PUM2: variants seen among roughly 807,000 people sequenced by gnomAD.
The protein encoded by PUM2 is pumilio RNA binding family member 2, also known as pumilio homolog 2.
A neutral mutation model predicts 124.5 loss-of-function variants in PUM2; 57 were observed. The ratio of observed to expected loss-of-function variants is 0.46; its 90% CI spans 0.37 to 0.57. The LOEUF (loss-of-function observed/expected upper bound fraction) is 0.57. Among genes scored for constraint, PUM2 ranks in the 20% least tolerant of loss-of-function variants. The pLI, the probability that PUM2 is intolerant of heterozygous loss-of-function variation, is 0.00. For missense variants in PUM2, 1,065 were observed against 1,290.6 expected, an observed-to-expected ratio of 0.83 and a Z score of 2.68; for synonymous variants, 460 against 446.1, an observed-to-expected ratio of 1.03 and a Z score of -0.39.
intron 12 of PUM2, among the ~76,000 whole-genome samples, chr2:20,280,791 A>G (rs2148865703): frequency 6.6e-6 from 1 of 152,322 alleles, no homozygotes; most frequent in East Asian, 1.9e-4. Context: ...ACAGACTGCT[A>G]ATCATTCATC....
chr2:20,298,186 T>G (rs1676088719), intron 7 of PUM2, among the ~76,000 whole-genome samples: 1 of 152,218 alleles, frequency 6.6e-6, no homozygotes, highest in African/African-American at 2.4e-5. Context: ...TATAGCATAT[T>G]AAGTGCTCTG....
At chr2:20,259,952 TTA>T (rs1286479746) in intron 15 of PUM2, among the ~76,000 whole-genome samples, 1 of 152,256 alleles carries the variant, frequency 6.6e-6, no homozygotes, top group Non-Finnish European at 1.5e-5. Flanking sequence ...TTTTCCGATT[TTA>T]TGTTTTCCGA....
intron 1 of PUM2, among the ~76,000 whole-genome samples, chr2:20,339,941 T>C (rs1426216738): frequency 6.6e-6 from 1 of 152,078 alleles, no homozygotes; most frequent in Non-Finnish European, 1.5e-5. Context: ...TTTATAAATG[T>C]CATTTCATCT....
In PUM2 at chr2:20,350,779, GAA is replaced by G. The variant is rs943570401; in HGVS notation, c.-203_-202del. The G allele has an allele frequency of 1.8e-4, 166 of 916,702 alleles. No individual in the cohort carries two copies. The highest frequency in any genetic ancestry group is 2.0e-4 in the Non-Finnish European group (161 of 802,452). The allele number at this position is 916,702 out of a possible 1,614,324, so 56.8% of individuals were successfully genotyped here. A position where few individuals can be genotyped will look rare whatever the true frequency, so the allele number is the denominator to read the frequency against. On this transcript the variant is annotated 5_prime_UTR_variant, in exon 1 of 21. Coordinates refer to ENST00000361078, the MANE Select transcript of PUM2 (RefSeq NM_015317.5). ...CCTCCCCCTCCTCCTCCGAACCACC[GAA>G]GTACCGAGGGTGAGACACAGAGACT...
intron 9 of PUM2, among the ~76,000 whole-genome samples, chr2:20,292,111 G>T (rs562462860): frequency 6.7e-6 from 1 of 150,354 alleles, no homozygotes; most frequent in Non-Finnish European, 1.5e-5. Flanking sequence ...TTCATAAAAG[G>T]ACTCCAGGTG....
At chr2:20,326,417 T>C (rs1429464779) in intron 2 of PUM2, 1 of 1,304,144 alleles carries the variant, frequency 7.7e-7, no homozygotes, top group East Asian at 5.6e-5. Flanking sequence ...GGAGTGAGTC[T>C]CATGAAGGTC....
chr2:20,350,835 GC>G lies in PUM2; in HGVS notation c.-258del, dbSNP rs1266584886. On this transcript the variant is annotated 5_prime_UTR_variant, in exon 1 of 21. Coordinates refer to ENST00000361078, the MANE Select transcript of PUM2 (RefSeq NM_015317.5). ...AACAACATGGCTGCCACCGCCGCCTGCCCTCCCCTCCCCCCCGCCCACCGGG... is the reference window on the plus strand; with the variant it reads ...AACAACATGGCTGCCACCGCCGCCTGCCTCCCCTCCCCCCCGCCCACCGGG... 2 of 969,890 alleles carry G rather than the reference GC, an allele frequency of 2.1e-6. No homozygotes were observed. Among genetic ancestry groups the G allele is most frequent in the Non-Finnish European group, 2.4e-6 (2 of 817,132 alleles). The allele number at this position is 969,890 out of a possible 1,614,324, so 60.1% of individuals were successfully genotyped here.
intron 13 of PUM2, among the ~76,000 whole-genome samples, chr2:20,276,040 TA>T (rs1670170278): frequency 6.6e-6 from 1 of 151,998 alleles, no homozygotes; most frequent in Admixed American, 6.6e-5. Context: ...TATTATACTA[TA>T]AAAAATGGAA....
At chr2:20,322,497 C>G (rs901171507) in intron 2 of PUM2, among the ~76,000 whole-genome samples, 1 of 151,434 alleles carries the variant, frequency 6.6e-6, no homozygotes, top group Admixed American at 6.6e-5. Context: ...CTAGTCCCAG[C>G]TATTTAGGAG....
chr2:20,276,401 T>G (rs183114996), intron 13 of PUM2, among the ~76,000 whole-genome samples: 38 of 152,108 alleles, frequency 2.5e-4, no homozygotes, highest in African/African-American at 9.1e-4. Context: ...GTTGTAACAT[T>G]CACATCTTAA....
At chr2:20,331,153 T>C (rs1348512387) in intron 1 of PUM2, among the ~76,000 whole-genome samples, 9 of 147,614 alleles carry the variant, frequency 6.1e-5, no homozygotes, top group African/African-American at 2.0e-4. Flanking sequence ...ACCACACGCG[T>C]TGTTTGGGAA....
intron 3 of PUM2, among the ~76,000 whole-genome samples, chr2:20,314,760 C>G (rs1008574607): frequency 6.6e-6 from 1 of 152,104 alleles, no homozygotes; most frequent in Non-Finnish European, 1.5e-5. Flanking sequence ...GTTCATTACA[C>G]AGTTGAAATA....
At chr2:20,290,132 A>G (rs1374437186) in intron 10 of PUM2, among the ~76,000 whole-genome samples, 1 of 152,210 alleles carries the variant, frequency 6.6e-6, no homozygotes, top group Non-Finnish European at 1.5e-5. Context: ...TTTATACTGT[A>G]ATTTTTTATA....
Position 20,251,645 on chromosome 2 carries a change from ATAC to A in PUM2, c.3132_3134del (p.Lys1044_Tyr1045delinsAsn), listed in dbSNP as rs977712711. 1.2e-6 allele frequency: 2 copies of A among 1,613,902 alleles called. No individual in the cohort carries two copies. The highest frequency in any genetic ancestry group is 2.7e-5 in the African/African-American group (2 of 75,024). On this transcript the variant is annotated inframe_deletion, in exon 21 of 21. Coordinates refer to ENST00000361078, the MANE Select transcript of PUM2 (RefSeq NM_015317.5). ...CTAGGTCCGGGCTATTCTTCAAATA[ATAC>A]TTTTCCAACTTGGCCAGTATATGCT...
chr2:20,284,868 A>G (rs751661093), intron 10 of PUM2, among the ~76,000 whole-genome samples: 1 of 152,222 alleles, frequency 6.6e-6, no homozygotes, highest in Non-Finnish European at 1.5e-5. Flanking sequence ...TTTAGTAAAT[A>G]CAGTAATTCT....
At chr2:20,303,136 T>C (rs1034872375) in intron 7 of PUM2, among the ~76,000 whole-genome samples, 4 of 152,126 alleles carry the variant, frequency 2.6e-5, no homozygotes, top group Non-Finnish European at 4.4e-5. Flanking sequence ...GCTGGATTCC[T>C]GTCTCCTTGT....
intron 7 of PUM2, among the ~76,000 whole-genome samples, chr2:20,298,308 A>G (rs1354434424): frequency 6.6e-6 from 1 of 152,224 alleles, no homozygotes; most frequent in Non-Finnish European, 1.5e-5. Flanking sequence ...AGACCAAGGA[A>G]GAGCTTCCTG....
At chr2:20,323,123 C>T (rs781001348) in intron 2 of PUM2, among the ~76,000 whole-genome samples, 3 of 152,066 alleles carry the variant, frequency 2.0e-5, no homozygotes, top group African/African-American at 4.8e-5. Flanking sequence ...ACCTTTTCTG[C>T]GCTTCAGTTT....
At chr2:20,331,288 G>A (rs1011401540) in intron 1 of PUM2, among the ~76,000 whole-genome samples, 7 of 152,162 alleles carry the variant, frequency 4.6e-5, no homozygotes, top group South Asian at 2.1e-4. Flanking sequence ...GTTACTAAAC[G>A]TTACCAATGG....
Sources: allele counts gnomAD v4.1 joint callset (sites outside exome capture counted in the v4.1 genomes callset), GRCh38; gene constraint gnomAD v4.1.1; transcripts MANE v1.5; gene names NCBI Gene and HGNC (gene_info 2026-07-23, HGNC 2026-07-21).